The following WDR7 variants were observed in gnomAD, a reference collection of about 807,000 sequenced individuals.
The protein encoded by WDR7 is WD repeat-containing protein 7.
Under a neutral mutation model 169.4 loss-of-function variants are expected in WDR7, and 46 were observed. The ratio of observed to expected loss-of-function variants is 0.27; its 90% CI spans 0.21 to 0.35. The LOEUF (loss-of-function observed/expected upper bound fraction) is 0.35, where lower values mean the gene tolerates loss of function less well. Among genes scored for constraint, WDR7 ranks in the 10% least tolerant of loss-of-function variants. The probability of loss-of-function intolerance (pLI) is 1.00; values close to 1 mark genes in which losing one functional copy is unlikely to be tolerated. For synonymous variants in WDR7, 612 were observed against 666.8 expected, an observed-to-expected ratio of 0.92 and a Z score of 1.27; for missense variants, 1,534 against 1,859.3, an observed-to-expected ratio of 0.83 and a Z score of 3.22.
At chr18:56,899,551 T>C (rs528704580) in intron 21 of WDR7, among the ~76,000 whole-genome samples, 43 of 152,246 alleles carry the variant, frequency 2.8e-4, no homozygotes, top group African/African-American at 1.0e-3. Context: ...TTTTAAGGCA[T>C]CTTTTGTTTT....
intron 19 of WDR7, among the ~76,000 whole-genome samples, chr18:56,802,202 T>C (rs1006275221): frequency 6.6e-6 from 1 of 152,240 alleles, no homozygotes; most frequent in African/African-American, 2.4e-5. Flanking sequence ...ATTTCCTTAA[T>C]GACTAATAAT....
intron 19 of WDR7, among the ~76,000 whole-genome samples, chr18:56,799,503 G>A (rs964179895): frequency 6.6e-6 from 1 of 151,928 alleles, no homozygotes; most frequent in African/African-American, 2.4e-5. Context: ...AATATTTTAT[G>A]TGCTGTGGGG....
intron 26 of WDR7, among the ~76,000 whole-genome samples, chr18:56,978,333 G>A (rs2047595929): frequency 6.6e-6 from 1 of 152,190 alleles, no homozygotes; most frequent in South Asian, 2.1e-4. Context: ...GTCCCCCAAT[G>A]TACTCTGCAT....
At chr18:56,883,676 CCT>C (rs1361051855) in intron 21 of WDR7, among the ~76,000 whole-genome samples, 2 of 152,032 alleles carry the variant, frequency 1.3e-5, no homozygotes, top group East Asian at 3.9e-4. Context: ...CACCCTTTCC[CCT>C]GAATCCTGAA....
intron 20 of WDR7, among the ~76,000 whole-genome samples, chr18:56,858,117 G>A (rs1361711756): frequency 1.3e-5 from 2 of 152,094 alleles, no homozygotes; most frequent in Non-Finnish European, 2.9e-5. Context: ...TTCTCCATGT[G>A]AATAGCCTTC....
At chr18:56,658,779 C>A (rs1289317038) in intron 1 of WDR7, among the ~76,000 whole-genome samples, 1 of 152,164 alleles carries the variant, frequency 6.6e-6, no homozygotes, top group Admixed American at 6.5e-5. Context: ...GTGGCATGAT[C>A]TTGGCTCACT....
At chr18:56,711,635 C>T (rs538723632) in intron 12 of WDR7, among the ~76,000 whole-genome samples, 2 of 151,716 alleles carry the variant, frequency 1.3e-5, no homozygotes, top group South Asian at 2.1e-4. Context: ...GTTTGTTAAT[C>T]GGTGTTTTGG....
chr18:56,764,854 C>G (rs2044036878), intron 16 of WDR7, among the ~76,000 whole-genome samples: 1 of 152,086 alleles, frequency 6.6e-6, no homozygotes. Context: ...GAATCTGCAG[C>G]TATAATTATG....
intron 26 of WDR7, among the ~76,000 whole-genome samples, chr18:56,995,136 G>A (rs2047880665): frequency 1.3e-5 from 2 of 152,134 alleles, no homozygotes; most frequent in African/African-American, 4.8e-5. Context: ...ATTAAATTCT[G>A]AAAGGGGTTA....
At chr18:56,826,360 G>A (rs1438398250) in intron 20 of WDR7, among the ~76,000 whole-genome samples, 1 of 131,578 alleles carries the variant, frequency 7.6e-6, no homozygotes, top group African/African-American at 2.6e-5. Flanking sequence ...ATGTTAAAGG[G>A]GAAAAACAGG....
At chr18:56,849,925 G>C (rs544506767) in intron 20 of WDR7, among the ~76,000 whole-genome samples, 1 of 152,066 alleles carries the variant, frequency 6.6e-6, no homozygotes, top group African/African-American at 2.4e-5. Context: ...TACTATTGAC[G>C]ACATGGTCTT....
chr18:56,908,394 A>G (rs534068426), intron 21 of WDR7, among the ~76,000 whole-genome samples: 3 of 152,346 alleles, frequency 2.0e-5, no homozygotes, highest in Admixed American at 6.5e-5. Context: ...ATGATTCAGC[A>G]CTTCTTTGAT....
intron 26 of WDR7, among the ~76,000 whole-genome samples, chr18:56,984,857 G>C (rs2047691367): frequency 6.6e-6 from 1 of 152,084 alleles, no homozygotes; most frequent in Admixed American, 6.5e-5. Flanking sequence ...CGTACTGTGG[G>C]AAGTGGAGCA....
chr18:56,779,270 A>T (rs1187842892), intron 17 of WDR7, among the ~76,000 whole-genome samples, 161 bp from the exon 18 acceptor site: 1 of 152,248 alleles, frequency 6.6e-6, no homozygotes, highest in African/African-American at 2.4e-5. Context: ...TACGTTTAGT[A>T]TAATTCTTTG....
At chr18:56,708,645 G>A (rs751376154) in intron 12 of WDR7, among the ~76,000 whole-genome samples, 5 of 152,020 alleles carry the variant, frequency 3.3e-5, no homozygotes, top group Non-Finnish European at 2.9e-5. Flanking sequence ...ACAAACTTTA[G>A]AATATAAGGT....
chr18:56,855,122 A>G (rs1486446750), intron 20 of WDR7, among the ~76,000 whole-genome samples: 2 of 152,132 alleles, frequency 1.3e-5, no homozygotes, highest in East Asian at 3.8e-4. Context: ...ATAATTATTA[A>G]CAGTAGAAAA....
chr18:56,712,868 AATCTTAGGAAATTG>A (rs2026115533), intron 12 of WDR7, among the ~76,000 whole-genome samples: 2 of 152,154 alleles, frequency 1.3e-5, no homozygotes, highest in Non-Finnish European at 2.9e-5. Flanking sequence ...CTTATTTTTT[AATCTTAGGAAATTG>A]AGCTTTATGA....
chr18:56,731,762 A>G (rs190430481), intron 14 of WDR7, among the ~76,000 whole-genome samples, 165 bp downstream of exon 14: 121 of 152,350 alleles, frequency 7.9e-4, no homozygotes, highest in Non-Finnish European at 1.0e-4. Context: ...TTTTTCAAGT[A>G]CTTGGCATTT....
chr18:56,769,092 T>G (rs1287069965), intron 16 of WDR7, among the ~76,000 whole-genome samples: 1 of 152,234 alleles, frequency 6.6e-6, no homozygotes, highest in African/African-American at 2.4e-5. Flanking sequence ...TTTATTTTTT[T>G]TGACACTTGA....
Sources: gnomAD v4.1 joint callset for allele counts (sites outside exome capture counted in the v4.1 genomes callset) on GRCh38, gnomAD v4.1.1 for gene constraint, MANE v1.5 for transcripts, NCBI Gene and HGNC (gene_info 2026-07-23, HGNC 2026-07-21) for gene names.